The following PCDH17 variants were observed in gnomAD, a reference collection of about 807,000 sequenced individuals.
PCDH17 encodes the protein protocadherin-17.
In PCDH17, 21 loss-of-function variants were observed where a neutral mutation model predicts 67.7. The ratio of observed to expected loss-of-function variants is 0.31; its 90% CI spans 0.22 to 0.45. The LOEUF (loss-of-function observed/expected upper bound fraction) is 0.45, where lower values mean the gene tolerates loss of function less well. Among genes scored for constraint, PCDH17 ranks in the 20% least tolerant of loss-of-function variants. The probability of loss-of-function intolerance (pLI) is 1.00; values close to 1 mark genes in which losing one functional copy is unlikely to be tolerated. For synonymous variants in PCDH17, 701 were observed against 656.7 expected (o/e 1.07, Z -1.03); for missense variants, 1,471 against 1,564.8 (o/e 0.94, Z 1.01).
chr13:57,642,479 A>G (rs915296405), intron 1 of PCDH17, among the ~76,000 whole-genome samples: 2 of 151,686 alleles, frequency 1.3e-5, no homozygotes, highest in Non-Finnish European at 3.0e-5. Context: ...CATAGCATCT[A>G]TGCTTTACAG....
intron 1 of PCDH17, among the ~76,000 whole-genome samples, chr13:57,643,678 G>A (rs1954930956): frequency 6.6e-6 from 1 of 151,552 alleles, no homozygotes. Flanking sequence ...TAAATCACTA[G>A]TCCGTCTTTA....
chr13:57,686,378 T>G (rs1310727662), intron 3 of PCDH17, among the ~76,000 whole-genome samples: 2 of 151,958 alleles, frequency 1.3e-5, no homozygotes, highest in Non-Finnish European at 2.9e-5. Flanking sequence ...TTTTTAATGA[T>G]CAGTAGGAAA....
At chr13:57,676,990 A>G (rs1320600420) in intron 3 of PCDH17, among the ~76,000 whole-genome samples, 2 of 151,924 alleles carry the variant, frequency 1.3e-5, no homozygotes, top group Non-Finnish European at 2.9e-5. Context: ...CTTGAAAAAA[A>G]TATGTTTTGA....
chr13:57,670,362 A>G (rs1955305301), intron 3 of PCDH17, among the ~76,000 whole-genome samples: 1 of 151,740 alleles, frequency 6.6e-6, no homozygotes, highest in African/African-American at 2.4e-5. Context: ...GATTTCAAAT[A>G]TTAAACCCTA....
chr13:57,698,212 G>C (rs149437929), intron 3 of PCDH17, among the ~76,000 whole-genome samples: 16 of 151,206 alleles, frequency 1.1e-4, no homozygotes, highest in African/African-American at 3.9e-4. Flanking sequence ...ATAATATATA[G>C]AGAAATATAT....
At chr13:57,724,581 T>G in intron 3 of PCDH17, 31 bp from the exon 4 acceptor site, 2 of 1,562,254 alleles carry the variant, frequency 1.3e-6, no homozygotes, top group Non-Finnish European at 1.8e-6. Context: ...CTCTAATGAT[T>G]GGATTTGCTG....
chr13:57,718,887 G>A (rs1955847759), intron 3 of PCDH17, among the ~76,000 whole-genome samples: 1 of 151,980 alleles, frequency 6.6e-6, no homozygotes, highest in South Asian at 2.1e-4. Context: ...AAATCAAGCT[G>A]CTGTTATACC....
intron 3 of PCDH17, among the ~76,000 whole-genome samples, chr13:57,672,203 G>A (rs1955331486): frequency 6.6e-6 from 1 of 151,916 alleles, no homozygotes; most frequent in Non-Finnish European, 1.5e-5. Flanking sequence ...CTTAAGGATG[G>A]CCTTTTTTTC....
intron 1 of PCDH17, among the ~76,000 whole-genome samples, chr13:57,664,246 G>A (rs909882606): frequency 2.6e-5 from 4 of 151,904 alleles, no homozygotes; most frequent in African/African-American, 9.7e-5. Context: ...CCCAAACACC[G>A]TTCTTTTCTC....
At chr13:57,669,017 T>C (rs780427030) in intron 3 of PCDH17, among the ~76,000 whole-genome samples, 1 of 151,184 alleles carries the variant, frequency 6.6e-6, no homozygotes, top group Non-Finnish European at 1.5e-5. Flanking sequence ...ACAGGCCCCG[T>C]GTGTGATGTT....
At chr13:57,708,006 G>T (rs1411729039) in intron 3 of PCDH17, among the ~76,000 whole-genome samples, 1 of 151,848 alleles carries the variant, frequency 6.6e-6, no homozygotes, top group Non-Finnish European at 1.5e-5. Flanking sequence ...TTAGGGTGGG[G>T]GGCAGTATCC....
intron 3 of PCDH17, among the ~76,000 whole-genome samples, chr13:57,687,707 A>C (rs1183537180): frequency 1.3e-5 from 2 of 152,058 alleles, no homozygotes; most frequent in Non-Finnish European, 2.9e-5. Context: ...TAAAATAACT[A>C]ACTATTAAAC....
chr13:57,709,159 G>A (rs1955750331), intron 3 of PCDH17, among the ~76,000 whole-genome samples: 1 of 150,956 alleles, frequency 6.6e-6, no homozygotes, highest in South Asian at 2.1e-4. Context: ...TCTTAAATTA[G>A]GTGACTGAGT....
At chr13:57,697,553 T>A (rs978531925) in intron 3 of PCDH17, among the ~76,000 whole-genome samples, 9 of 151,676 alleles carry the variant, frequency 5.9e-5, no homozygotes, top group African/African-American at 1.4e-4. Context: ...ATATTTAGGC[T>A]TGTAATAACA....
Position 57,632,754 on chromosome 13 carries a change from T to G in PCDH17, c.208T>G (p.Ser70Ala). Reference sequence around the variant, plus strand: ...GGGTAGCTACCGGGTGCTGGAGAACTCCGCACCGCACCTGCTGGACGTGGA... The same window carrying G: ...GGGTAGCTACCGGGTGCTGGAGAACGCCGCACCGCACCTGCTGGACGTGGA... ...KSGSYRVLEN[S>A]APHLLDVDAD... Residue 70 changes from serine to alanine, a missense_variant, in exon 1 of 4, where the codon TCC becomes GCC. By Grantham distance (99) the Ser-to-Ala change is moderately conservative. Transcript: ENST00000377918. 6.2e-7 allele frequency: 1 copy of G among 1,612,594 alleles called. No homozygotes were observed. The highest frequency in any genetic ancestry group is 8.5e-7 in the Non-Finnish European group (1 of 1,179,946).
At chr13:57,718,083 C>T (rs1174970205) in intron 3 of PCDH17, among the ~76,000 whole-genome samples, 2 of 151,888 alleles carry the variant, frequency 1.3e-5, no homozygotes, top group Non-Finnish European at 2.9e-5. Flanking sequence ...ATATTAGTTA[C>T]TTGATTAAGA....
At chr13:57,696,985 T>G (rs1161505121) in intron 3 of PCDH17, among the ~76,000 whole-genome samples, 1 of 151,518 alleles carries the variant, frequency 6.6e-6, no homozygotes, top group Non-Finnish European at 1.5e-5. Flanking sequence ...AATTCTTAAT[T>G]TTTTTTGTAT....
chr13:57,700,143 A>G (rs984263252), intron 3 of PCDH17, among the ~76,000 whole-genome samples: 4 of 152,160 alleles, frequency 2.6e-5, no homozygotes, highest in Admixed American at 2.6e-4. Context: ...ATAGAGATAC[A>G]TAAAGTGTGG....
chr13:57,661,502 C>T (rs948897709), intron 1 of PCDH17, among the ~76,000 whole-genome samples: 7 of 152,068 alleles, frequency 4.6e-5, no homozygotes, highest in Admixed American at 2.0e-4. Flanking sequence ...GTGGATCATG[C>T]TTTGATATTG....
Sources: gnomAD v4.1 joint callset for allele counts (sites outside exome capture counted in the v4.1 genomes callset) on GRCh38, gnomAD v4.1.1 for gene constraint, MANE v1.5 for transcripts, NCBI Gene and HGNC (gene_info 2026-07-23, HGNC 2026-07-21) for gene names.